HS6ST3: variants seen among roughly 807,000 people sequenced by gnomAD.
HS6ST3 encodes the protein heparan-sulfate 6-O-sulfotransferase 3.
Under a neutral mutation model 36.7 loss-of-function variants are expected in HS6ST3, and 12 were observed. That is an observed-to-expected ratio of 0.33 (90% CI 0.21 to 0.53). HS6ST3 has a LOEUF of 0.53. HS6ST3 is among the 20% of genes least tolerant of loss of function. The probability of loss-of-function intolerance (pLI) is 0.95; values close to 1 mark genes in which losing one functional copy is unlikely to be tolerated. For synonymous variants in HS6ST3, 240 were observed against 257.5 expected, an observed-to-expected ratio of 0.93 and a Z score of 0.65; for missense variants, 584 against 640.9, an observed-to-expected ratio of 0.91 and a Z score of 0.96.
At chr13:96,684,981 A>AG (rs537126985) in intron 1 of HS6ST3, among the ~76,000 whole-genome samples, 18 of 152,242 alleles carry the variant, frequency 1.2e-4, no homozygotes, top group African/African-American at 4.3e-4. Context: ...ATATTTGTAC[A>AG]CATTGTTAAT....
rs1358788587 is a variant in HS6ST3 at position 96,349,418 on chromosome 13, TTC to T, written c.707+257857_707+257858del. Among the ~76,000 whole-genome samples, 12 of 152,318 alleles carry T rather than the reference TTC, an allele frequency of 7.9e-5. 1 individual carries two copies. Among genetic ancestry groups the T allele is most frequent in the African/African-American group, 2.6e-4 (11 of 41,580 alleles). On this transcript the variant is annotated intron_variant, in intron 1 of 1. Coordinates refer to ENST00000376705, the MANE Select transcript of HS6ST3 (RefSeq NM_153456.4). ...TGGAATCATATTGTTCTTTGTTTAT[TTC>T]TCTCTCTTTCCAAACAATTCTCTCC...
intron 1 of HS6ST3, among the ~76,000 whole-genome samples, chr13:96,787,957 A>AT (rs1877692053): frequency 6.6e-6 from 1 of 151,902 alleles, no homozygotes; most frequent in Non-Finnish European, 1.5e-5. Context: ...GTCAAGGTTT[A>AT]TTTTTTGACC....
chr13:96,379,197 C>A (rs1566343086), intron 1 of HS6ST3, among the ~76,000 whole-genome samples: 1 of 152,144 alleles, frequency 6.6e-6, no homozygotes, highest in East Asian at 1.9e-4. Context: ...CAAAAAAAAT[C>A]TTTAATTTAA....
intron 1 of HS6ST3, among the ~76,000 whole-genome samples, chr13:96,763,280 C>A (rs887360664): frequency 4.0e-5 from 6 of 148,806 alleles, no homozygotes; most frequent in Non-Finnish European, 7.4e-5. Context: ...TAATATATTT[C>A]TATGTAATAT....
intron 1 of HS6ST3, among the ~76,000 whole-genome samples, chr13:96,345,409 T>A (rs1488003726): frequency 5.3e-5 from 8 of 152,192 alleles, no homozygotes; most frequent in Admixed American, 5.2e-4. Context: ...TGCATATATC[T>A]AGTGCCCGGT....
At chr13:96,517,414 TAAC>T (rs1317313160) in intron 1 of HS6ST3, among the ~76,000 whole-genome samples, 1 of 152,038 alleles carries the variant, frequency 6.6e-6, no homozygotes. Context: ...ATGGCCAGCC[TAAC>T]AACAGTGGGG....
At chr13:96,345,452 T>G (rs1594758786) in intron 1 of HS6ST3, among the ~76,000 whole-genome samples, 1 of 152,296 alleles carries the variant, frequency 6.6e-6, no homozygotes, top group South Asian at 2.1e-4. Context: ...AGATGTTATG[T>G]TGCTAATGGA....
intron 1 of HS6ST3, among the ~76,000 whole-genome samples, chr13:96,363,426 A>G (rs959656517): frequency 1.3e-5 from 2 of 152,172 alleles, no homozygotes; most frequent in African/African-American, 2.4e-5. Flanking sequence ...ATGGCCACAC[A>G]TAGCTGCAAA....
intron 1 of HS6ST3, among the ~76,000 whole-genome samples, chr13:96,502,198 A>G (rs975401247): frequency 2.0e-5 from 3 of 152,152 alleles, no homozygotes; most frequent in African/African-American, 7.2e-5. Flanking sequence ...CTTGGGTGAT[A>G]TCTGAAATGC....
At chr13:96,653,936 A>G (rs1381134866) in intron 1 of HS6ST3, among the ~76,000 whole-genome samples, 15 of 152,154 alleles carry the variant, frequency 9.9e-5, no homozygotes, top group Admixed American at 9.8e-4. Flanking sequence ...TGTGGTTTTG[A>G]TTTGCATTTC....
intron 1 of HS6ST3, among the ~76,000 whole-genome samples, chr13:96,249,475 G>C (rs1467911108): frequency 6.6e-6 from 1 of 152,162 alleles, no homozygotes; most frequent in Non-Finnish European, 1.5e-5. Context: ...GGGAAGATAA[G>C]AGAAGTGGCT....
intron 1 of HS6ST3, among the ~76,000 whole-genome samples, chr13:96,268,888 G>T (rs963954234): frequency 1.3e-5 from 2 of 151,910 alleles, no homozygotes; most frequent in Non-Finnish European, 2.9e-5. Flanking sequence ...AAATCTGGGA[G>T]CTGAGTAGGT....
chr13:96,649,383 A>G lies in HS6ST3; in HGVS notation c.708-183107A>G, dbSNP rs577112428. Among the ~76,000 whole-genome samples the G allele has an allele frequency of 7.9e-5, 12 of 152,130 alleles. No homozygotes were observed. In the South Asian group the frequency reaches 2.1e-3, roughly 26 times the overall value. On this transcript the variant is annotated intron_variant, in intron 1 of 1. Coordinates refer to ENST00000376705, the MANE Select transcript of HS6ST3 (RefSeq NM_153456.4). ...ACTAACTCACTATCATGAGAATACC[A>G]TGATTCAATTATCTCCACCTGGTCC...
chr13:96,655,495 T>C (rs1234571967), intron 1 of HS6ST3, among the ~76,000 whole-genome samples: 2 of 152,156 alleles, frequency 1.3e-5, no homozygotes, highest in Non-Finnish European at 2.9e-5. Context: ...CGTTTAAGTC[T>C]TTTCATTTGT....
chr13:96,091,216 C>T lies in HS6ST3; in HGVS notation c.354C>T (p.Gly118=), dbSNP rs138891514. ...CGGACCCCGAGGCCCCGGAAAACGG[C>T]TCCCTGCCCCGATTCGTGCCGCGCT... ...DEPDPEAPEN[G]SLPRFVPRFN... Residue 118 remains glycine (G), a synonymous_variant, in exon 1 of 2, where the codon GGC becomes GGT. Coordinates refer to ENST00000376705, the MANE Select transcript of HS6ST3 (RefSeq NM_153456.4). The T allele has an allele frequency of 5.7e-6, 9 of 1,571,966 alleles. No individual in the cohort carries two copies. In the African/African-American group the frequency reaches 1.2e-4, roughly 21 times the overall value.
chr13:96,270,760 A>G (rs1279652529), intron 1 of HS6ST3, among the ~76,000 whole-genome samples: 2 of 151,928 alleles, frequency 1.3e-5, no homozygotes, highest in African/African-American at 4.8e-5. Flanking sequence ...TGGGAAAAAA[A>G]AGGAAGCTTG....
At chr13:96,656,432 A>G (rs920370918) in intron 1 of HS6ST3, among the ~76,000 whole-genome samples, 1 of 152,178 alleles carries the variant, frequency 6.6e-6, no homozygotes, top group South Asian at 2.1e-4. Flanking sequence ...AGAAGTTATT[A>G]GATAGTAAAC....
At chr13:96,587,981 T>C (rs1287712017) in intron 1 of HS6ST3, among the ~76,000 whole-genome samples, 1 of 152,230 alleles carries the variant, frequency 6.6e-6, no homozygotes, top group Non-Finnish European at 1.5e-5. Context: ...CTTGGTTAAA[T>C]TTATTTCTAA....
chr13:96,682,845 G>A (rs532383017), intron 1 of HS6ST3, among the ~76,000 whole-genome samples: 2 of 152,124 alleles, frequency 1.3e-5, no homozygotes, highest in South Asian at 2.1e-4. Flanking sequence ...TTCCAGAATA[G>A]CATCTTATTA....
Sources: gnomAD v4.1 joint callset for allele counts (sites outside exome capture counted in the v4.1 genomes callset) on GRCh38, gnomAD v4.1.1 for gene constraint, MANE v1.5 for transcripts, NCBI Gene and HGNC (gene_info 2026-07-23, HGNC 2026-07-21) for gene names.